UMODL1: variants seen among roughly 807,000 people sequenced by gnomAD.
UMODL1 encodes the protein uromodulin like 1, also known as uromodulin-like 1.
Under a neutral mutation model 136.3 loss-of-function variants are expected in UMODL1, and 128 were observed. The observed-to-expected ratio is 0.94, with a 90% CI of 0.81 to 1.09. The LOEUF is 1.09. UMODL1 is among the 50% of genes least tolerant of loss of function. The pLI is 0.00. For missense variants in UMODL1, 1,766 were observed against 1,725.6 expected (o/e 1.02, Z -0.41); for synonymous variants, 721 against 720.0 (o/e 1.00, Z -0.02).
At chr21:42,131,164 A>C (rs1353248997) in intron 21 of UMODL1, among the ~76,000 whole-genome samples, 1 of 152,128 alleles carries the variant, frequency 6.6e-6, no homozygotes, top group African/African-American at 2.4e-5. Flanking sequence ...CCTTTAAGCC[A>C]CTGCTATTTT....
chr21:42,115,752 C>T, intron 13 of UMODL1, 121 bp from the exon 14 acceptor site: 3 of 721,120 alleles, frequency 4.2e-6, no homozygotes, highest in Non-Finnish European at 7.0e-6. Flanking sequence ...CTTTCTAGAA[C>T]ACGGGTTGGC....
chr21:42,091,439 G>A (rs935331726), intron 6 of UMODL1, among the ~76,000 whole-genome samples: 4 of 152,188 alleles, frequency 2.6e-5, no homozygotes, highest in Non-Finnish European at 4.4e-5. Flanking sequence ...ACTGGCACAC[G>A]GGATTGGCTC....
intron 16 of UMODL1, among the ~76,000 whole-genome samples, chr21:42,121,866 C>T (rs536019797): frequency 4.6e-5 from 7 of 152,132 alleles, no homozygotes; most frequent in Non-Finnish European, 8.8e-5. Flanking sequence ...TGAAGCTGGT[C>T]TTAATGGATA....
chr21:42,070,388 T>A (rs2066219203), upstream of UMODL1, among the ~76,000 whole-genome samples: 1 of 152,232 alleles, frequency 6.6e-6, no homozygotes, highest in African/African-American at 2.4e-5. Context: ...GAACTTAACA[T>A]GAGATTTAGA....
chr21:42,102,028 A>G (rs2066640646), intron 7 of UMODL1, 138 bp from the exon 8 acceptor site: 1 of 607,052 alleles, frequency 1.6e-6, no homozygotes, highest in South Asian at 2.0e-5. Flanking sequence ...TCCCCCAATT[A>G]GGATACCTCA....
chr21:42,087,669 G>C (rs1300953812), intron 4 of UMODL1, among the ~76,000 whole-genome samples: 1 of 152,184 alleles, frequency 6.6e-6, no homozygotes, highest in Non-Finnish European at 1.5e-5. Context: ...TCTTGGCAAG[G>C]GCAGAAGACC....
rs760084858 is a variant in UMODL1 at position 42,113,737 on chromosome 21, T to C, written c.2269T>C (p.Ser757Pro). 2 of 1,614,062 alleles carry C rather than the reference T, an allele frequency of 1.2e-6. No individual in the cohort carries two copies. The highest frequency in any genetic ancestry group is 1.7e-6 in the Non-Finnish European group (2 of 1,180,018). Reference sequence around the variant, plus strand: ...GACCTGGAACACGAGTGTGACACTGTCGGGGCTGGAGCCTGGGGTCTTGCA... The same window carrying C: ...GACCTGGAACACGAGTGTGACACTGCCGGGGCTGGAGCCTGGGGTCTTGCA... ...LETWNTSVTL[S>P]GLEPGVLHLV... Residue 757 changes from serine to proline, a missense_variant, in exon 13 of 23, where the codon TCG becomes CCG. Transcript: ENST00000408910.
At chr21:42,081,084 T>C (rs905278197) in intron 2 of UMODL1, among the ~76,000 whole-genome samples, 10 of 152,212 alleles carry the variant, frequency 6.6e-5, no homozygotes, top group African/African-American at 2.4e-4. Flanking sequence ...TTAACTCCAG[T>C]GACACCCCAG....
intron 2 of UMODL1, among the ~76,000 whole-genome samples, chr21:42,081,333 C>G (rs1601184021): frequency 6.6e-6 from 1 of 152,210 alleles, no homozygotes; most frequent in Non-Finnish European, 1.5e-5. Flanking sequence ...TTTTGTTGCT[C>G]AAACACAAAG....
At position 42,136,671 on chromosome 21, in the gene UMODL1, G is replaced by A. The variant is rs1176419927; in HGVS notation, c.3776-768G>A. Among the ~76,000 whole-genome samples, 3 of 152,290 alleles carry A rather than the reference G, an allele frequency of 2.0e-5. No homozygotes were observed. In the East Asian group the frequency reaches 5.8e-4, roughly 29 times the overall value. On this transcript the variant is annotated intron_variant, in intron 21 of 22. Transcript: ENST00000408910. ...TGCTGTGAACAGGGGTGTACAAATA[G>A]CTGTTTGAATCAGTTTTCACATCTT...
chr21:42,079,173 G>A (rs1488349188), intron 2 of UMODL1, among the ~76,000 whole-genome samples: 3 of 152,190 alleles, frequency 2.0e-5, no homozygotes, highest in South Asian at 2.1e-4. Context: ...TCCTGCTCCC[G>A]CTCTGCAGGG....
intron 8 of UMODL1, chr21:42,103,204 G>C (rs2066659535): frequency 5.2e-6 from 1 of 191,668 alleles, no homozygotes; most frequent in African/African-American, 2.3e-5. Context: ...AGGGCAGTTA[G>C]TGCGTCTACT....
chr21:42,085,717 C>T lies in UMODL1; in HGVS notation c.603+305C>T, dbSNP rs929693122. 5.9e-5 allele frequency among the ~76,000 whole-genome samples: 9 copies of T among 152,190 alleles called. No individual in the cohort carries two copies. Among genetic ancestry groups the T allele is most frequent in the African/African-American group, 2.2e-4 (9 of 41,438 alleles). The stretch of plus-strand genomic sequence containing the variant: ...CCCTAAGCTTGCAGGGGTCTGCAGT[C>T]CCAGCAAAGACAGCCTAAGCCCCGA... On this transcript the variant is annotated intron_variant, in intron 4 of 22. Transcript: ENST00000408910. This position sits in a 1 kb window ranked among gnomAD's most constrained non-coding sequence, Gnocchi z 4.5.
intron 9 of UMODL1, among the ~76,000 whole-genome samples, chr21:42,108,026 T>C (rs1601231088): frequency 6.6e-6 from 1 of 152,200 alleles, no homozygotes; most frequent in Non-Finnish European, 1.5e-5. Context: ...CTCCCACACC[T>C]GCCTCTTCCT....
chr21:42,123,805 G>A lies in UMODL1; in HGVS notation c.3147+655G>A, dbSNP rs2067013808. 6.6e-6 allele frequency among the ~76,000 whole-genome samples: 1 copy of A among 151,872 alleles called. No homozygotes were observed. The highest frequency in any genetic ancestry group is 1.5e-5 in the Non-Finnish European group (1 of 68,036). ...CATGTGTGAGTGTGTATGTATGGGTGTGTGTTTGGGGGGCATTGGATGGCA... is the reference window on the plus strand; with the variant it reads ...CATGTGTGAGTGTGTATGTATGGGTATGTGTTTGGGGGGCATTGGATGGCA... On this transcript the variant is annotated intron_variant, in intron 17 of 22. Coordinates refer to ENST00000408910, the MANE Select transcript of UMODL1 (RefSeq NM_001004416.3). The surrounding 1 kb of genome is among the most constrained non-coding windows in gnomAD (Gnocchi z 4.4).
At chr21:42,140,783 G>C (rs2067271513) in intron 22 of UMODL1, among the ~76,000 whole-genome samples, 2 of 152,158 alleles carry the variant, frequency 1.3e-5, no homozygotes, top group Non-Finnish European at 2.9e-5. Context: ...ATTGTGGTCT[G>C]GGTCCTCAGC....
At chr21:42,103,682 GAAAGCCCAGCTAA>G (rs1569156345) in intron 8 of UMODL1, 173 bp from the exon 9 acceptor site, 1 of 751,786 alleles carries the variant, frequency 1.3e-6, no homozygotes, top group East Asian at 2.7e-5. Flanking sequence ...CCGTCCCAGG[GAAAGCCCAGCTAA>G]GGTGCTGTGA....
intron 17 of UMODL1, among the ~76,000 whole-genome samples, chr21:42,124,116 C>T (rs1229972020): frequency 6.6e-6 from 1 of 152,282 alleles, no homozygotes; most frequent in Admixed American, 6.5e-5. Flanking sequence ...CAGGGTGCCT[C>T]TGTGTCACAG....
intron 12 of UMODL1, among the ~76,000 whole-genome samples, chr21:42,112,034 TGAGGTGTTGCCCACCCCC>T (rs1211617354): frequency 1.3e-5 from 2 of 152,020 alleles, no homozygotes; most frequent in Non-Finnish European, 2.9e-5. Context: ...AGCCATCCCC[TGAGGTGTTGCCCACCCCC>T]GCTGTCCTGC....
Sources: allele counts gnomAD v4.1 joint callset (sites outside exome capture counted in the v4.1 genomes callset), GRCh38; gene constraint gnomAD v4.1.1; non-coding constraint Gnocchi (gnomAD v3.1); transcripts MANE v1.5; gene names NCBI Gene and HGNC (gene_info 2026-07-23, HGNC 2026-07-21).